The following PPP2R3B variants were observed in gnomAD, a reference collection of about 807,000 sequenced individuals.
The protein encoded by PPP2R3B is protein phosphatase 2 regulatory subunit B''beta, also known as serine/threonine-protein phosphatase 2A regulatory subunit B'' subunit beta.
PPP2R3B carries 68 observed loss-of-function variants against 72.9 expected under a neutral mutation model. The ratio of observed to expected loss-of-function variants is 0.93; its 90% CI spans 0.77 to 1.14. The LOEUF is 1.14. Among genes scored for constraint, PPP2R3B ranks in the 50% most tolerant of loss-of-function variants. The pLI, the probability that PPP2R3B is intolerant of heterozygous loss-of-function variation, is 0.00. For missense variants in PPP2R3B, 1,018 were observed against 842.0 expected, an observed-to-expected ratio of 1.21 and a Z score of -2.59; for synonymous variants, 466 against 375.8, an observed-to-expected ratio of 1.24 and a Z score of -2.78.
rs2070958420 is a variant in PPP2R3B at position 338,604 on chromosome X, C to T, written c.1577G>A (p.Gly526Glu). 2 of 1,604,702 alleles carry T rather than the reference C, an allele frequency of 1.2e-6. No individual in the cohort carries two copies. Among genetic ancestry groups the T allele is most frequent in the Admixed American group, 3.4e-5 (2 of 59,326 alleles). Residue 526 changes from glycine to glutamate, a missense_variant and splice_region_variant, in exon 12 of 13, where the codon GGG becomes GAG. Coordinates refer to ENST00000390665, the MANE Select transcript of PPP2R3B (RefSeq NM_013239.5). ...CCACTCACCCGTCCTCCCCACTCACCCGTCCTCCCAGGGCTCTCCCGCAGT... is the reference window on the plus strand; with the variant it reads ...CCACTCACCCGTCCTCCCCACTCACTCGTCCTCCCAGGGCTCTCCCGCAGT... ...EETAGEPWEDGFEAELSPVEQ... is the reference protein window; with the variant it reads ...EETAGEPWEDEFEAELSPVEQ...
At chrX:357,453 C>T (rs1164415104) in intron 2 of PPP2R3B, among the ~76,000 whole-genome samples, 2 of 152,116 alleles carry the variant, frequency 1.3e-5, no homozygotes, top group African/African-American at 4.8e-5. Context: ...AGAGAAAGAA[C>T]TGAAATAATC....
intron 2 of PPP2R3B, among the ~76,000 whole-genome samples, chrX:352,713 G>A (rs773937385): frequency 1.2e-3 from 184 of 151,982 alleles, no homozygotes; most frequent in African/African-American, 4.3e-3. Context: ...GTCTACAGTC[G>A]CACAGGGCAC....
At position 340,775 on chromosome X, in the gene PPP2R3B, C is replaced by A; in HGVS notation, c.1341G>T (p.Pro447=). The change falls in exon 10 of 13, where the codon CCG becomes CCT. Residue 447 remains proline (P), a synonymous_variant. Transcript: ENST00000390665. ...CTCACGGGGCATCACCTTCAGTCCT[C>A]GGCTTGACCAGGTCCAGCATCTGGC... The part of the protein sequence containing the change: ...CLCQMLDLVK[P]RTEGKITLQD... 6.6e-7 allele frequency: 1 copy of A among 1,526,468 alleles called. No homozygotes were observed. The highest frequency in any genetic ancestry group is 8.8e-7 in the Non-Finnish European group (1 of 1,131,586). 94.6% of individuals were successfully genotyped at this position (1,526,468 alleles called of 1,614,324 possible).
At chrX:353,460 A>ACTAT (rs1301577438) in intron 2 of PPP2R3B, among the ~76,000 whole-genome samples, 1 of 152,210 alleles carries the variant, frequency 6.6e-6, no homozygotes, top group African/African-American at 2.4e-5. Context: ...CACAGAGAAA[A>ACTAT]CTATCCCAAA....
intron 1 of PPP2R3B, among the ~76,000 whole-genome samples, chrX:375,540 C>T (rs866827328): frequency 2.3e-5 from 2 of 87,624 alleles, no homozygotes; most frequent in Middle Eastern, 0.011. Context: ...GGTGCCGTCC[C>T]GTCACCCACG....
chrX:373,592 G>A (rs1417268697), intron 1 of PPP2R3B: 1 of 292,810 alleles, frequency 3.4e-6, no homozygotes, highest in Non-Finnish European at 7.2e-6. Flanking sequence ...CGCAGCCGCG[G>A]GCCAGTGAGG....
At chrX:345,096 A>G in intron 7 of PPP2R3B, 1 of 464,010 alleles carries the variant, frequency 2.2e-6, no homozygotes, top group South Asian at 1.6e-5. Flanking sequence ...AACGACCGCT[A>G]AGCCTGGGGC....
At chrX:384,982 C>CAAAAAAA (rs773590401) in intron 1 of PPP2R3B, among the ~76,000 whole-genome samples, 3 of 63,074 alleles carry the variant, frequency 4.8e-5, no homozygotes, top group Admixed American at 2.1e-4. Context: ...GAATCTGTCT[C>CAAAAAAA]AAAAAAAAAA....
At chrX:385,732 C>T (rs1392990556) in intron 1 of PPP2R3B, among the ~76,000 whole-genome samples, 2 of 152,152 alleles carry the variant, frequency 1.3e-5, no homozygotes. Context: ...GTTTGCGCCA[C>T]TGCACTCCAG....
chrX:373,267 G>C (rs1343486331), intron 1 of PPP2R3B, among the ~76,000 whole-genome samples: 1 of 152,254 alleles, frequency 6.6e-6, no homozygotes, highest in Non-Finnish European at 1.5e-5. Context: ...AAAGGAGCGA[G>C]TGCTCTTTTC....
rs2071313818 is a variant in PPP2R3B at position 350,775 on chromosome X, G to A, written c.511-3082C>T. 3.9e-5 allele frequency among the ~76,000 whole-genome samples: 6 copies of A among 152,192 alleles called. No individual in the cohort carries two copies. In the South Asian group the frequency reaches 6.2e-4, roughly 16 times the overall value. On this transcript the variant is annotated intron_variant, in intron 2 of 12. Transcript: ENST00000390665. ...GGAACTGGGACGCCACGCAGCTGCC[G>A]GGAAAGCGGCCCACGGGGCGGCTGA...
At chrX:375,051 C>G (rs1236075112) in intron 1 of PPP2R3B, among the ~76,000 whole-genome samples, 2 of 152,114 alleles carry the variant, frequency 1.3e-5, no homozygotes, top group African/African-American at 2.4e-5. Context: ...CTGACGCCCA[C>G]CACAGCCCCC....
At chrX:355,800 G>A (rs1371240499) in intron 2 of PPP2R3B, among the ~76,000 whole-genome samples, 1 of 152,240 alleles carries the variant, frequency 6.6e-6, no homozygotes, top group African/African-American at 2.4e-5. Flanking sequence ...GAGGCCTGAG[G>A]TAGCGTGGGA....
At chrX:357,143 C>T (rs2071454467) in intron 2 of PPP2R3B, among the ~76,000 whole-genome samples, 2 of 152,118 alleles carry the variant, frequency 1.3e-5, no homozygotes, top group African/African-American at 2.4e-5. Context: ...GGCAAAGCTA[C>T]AGCGACCGGA....
chrX:349,559 G>A lies in PPP2R3B; in HGVS notation c.511-1866C>T, dbSNP rs186295870. Among the ~76,000 whole-genome samples the A allele has an allele frequency of 1.5e-3, 227 of 152,334 alleles. 2 individuals are homozygous for A. The highest frequency in any genetic ancestry group is 2.9e-3 in the South Asian group (14 of 4,828). On this transcript the variant is annotated intron_variant, in intron 2 of 12. Coordinates refer to ENST00000390665, the MANE Select transcript of PPP2R3B (RefSeq NM_013239.5). Reference sequence around the variant, plus strand: ...GAAAGACCGAAAGATACGACGACGGGTAAGAAGAGGCAGAACCGTCATGAT... The same window carrying A: ...GAAAGACCGAAAGATACGACGACGGATAAGAAGAGGCAGAACCGTCATGAT...
chrX:341,248 C>T, intron 9 of PPP2R3B, 59 bp downstream of exon 9: 2 of 1,583,406 alleles, frequency 1.3e-6, no homozygotes, highest in South Asian at 1.1e-5. Context: ...GGACACATGT[C>T]ACATGGGCGG....
At chrX:342,004 G>T in intron 7 of PPP2R3B, 73 bp from the exon 8 acceptor site, 1 of 1,579,952 alleles carries the variant, frequency 6.3e-7, no homozygotes, top group Non-Finnish European at 8.7e-7. Flanking sequence ...CCGGAGCCGA[G>T]ACTGGATGCG....
chrX:341,473 C>A (rs188259281), intron 8 of PPP2R3B, 77 bp from the exon 9 acceptor site: 11 of 1,499,306 alleles, frequency 7.3e-6, no homozygotes, highest in South Asian at 1.1e-5. Flanking sequence ...CCTGTCCACG[C>A]GCCTCGGTGA....
In PPP2R3B at chrX:361,577, T is replaced by C; in HGVS notation, c.338A>G (p.Lys113Arg). The C allele has an allele frequency of 6.2e-7, 1 of 1,613,936 alleles. No homozygotes were observed. The change falls in exon 2 of 13, where the codon AAA becomes AGA. Residue 113 changes from lysine to arginine, a missense_variant. Physicochemically the swap from Lys to Arg is conservative, Grantham distance 26. Transcript: ENST00000390665. ...CGTGGCCGGGGGCAGAGGCTCTTCT[T>C]TCCGTGTCTGAACCTGAAGAGTCGA... is the stretch of plus-strand genomic sequence containing the variant. The part of the protein sequence containing the change: ...SAGTRVVQTR[K>R]EEPLPPATSQ...
Sources: allele counts gnomAD v4.1 joint callset (sites outside exome capture counted in the v4.1 genomes callset), GRCh38; gene constraint gnomAD v4.1.1; transcripts MANE v1.5; gene names NCBI Gene and HGNC (gene_info 2026-07-23, HGNC 2026-07-21).